Variants in QTMAN observed in about 807,000 individuals in gnomAD.
The protein encoded by QTMAN is queuosine-tRNA mannosyltransferase.
the QTMAN span, among the ~76,000 whole-genome samples, chr2:144,274,555 T>C: frequency 6.6e-6 from 1 of 152,174 alleles, no homozygotes; most frequent in African/African-American, 2.4e-5. Flanking sequence ...TGACATATAA[T>C]GAACCTCCAT....
At chr2:144,105,433 T>C in the QTMAN span, among the ~76,000 whole-genome samples, 2 of 152,174 alleles carry the variant, frequency 1.3e-5, no homozygotes, top group East Asian at 3.9e-4. Context: ...CTAAAAACCA[T>C]GGCACGAGAA....
the QTMAN span, among the ~76,000 whole-genome samples, chr2:144,307,159 TAAA>T: frequency 2.5e-5 from 1 of 40,466 alleles, no homozygotes; most frequent in Non-Finnish European, 4.0e-5. Context: ...GACTCCGTCT[TAAA>T]AAAAAAAAAA....
chr2:144,250,174 C>T, the QTMAN span, among the ~76,000 whole-genome samples: 210 of 144,160 alleles, frequency 1.5e-3, 3 homozygotes, highest in Middle Eastern at 7.8e-3. Flanking sequence ...CTCGCTCTGT[C>T]GCCCAGGCTG....
the QTMAN span, among the ~76,000 whole-genome samples, chr2:144,017,900 C>T: frequency 6.6e-6 from 1 of 152,074 alleles, no homozygotes. Flanking sequence ...CTTATTAGTT[C>T]TTATACTTTA....
the QTMAN span, among the ~76,000 whole-genome samples, chr2:144,035,658 G>A: frequency 6.6e-6 from 1 of 152,080 alleles, no homozygotes; most frequent in African/African-American, 2.4e-5. Flanking sequence ...GAAACTTTGA[G>A]GCACACATCT....
chr2:143,972,067 T>C, the QTMAN span, among the ~76,000 whole-genome samples: 1 of 152,180 alleles, frequency 6.6e-6, no homozygotes, highest in Non-Finnish European at 1.5e-5. Flanking sequence ...AAGAATGCAA[T>C]GGTGAAATGT....
chr2:144,052,902 G>A, the QTMAN span, among the ~76,000 whole-genome samples: 1 of 152,234 alleles, frequency 6.6e-6, no homozygotes, highest in Admixed American at 6.5e-5. Context: ...ATCCACCTTG[G>A]CCTCCCAAAG....
chr2:144,129,006 C>T, the QTMAN span, among the ~76,000 whole-genome samples: 4 of 151,906 alleles, frequency 2.6e-5, no homozygotes, highest in Admixed American at 2.0e-4. Context: ...TACTGTCCCA[C>T]TGTCTCTTTT....
chr2:143,983,023 C>T, the QTMAN span, among the ~76,000 whole-genome samples: 1 of 152,028 alleles, frequency 6.6e-6, no homozygotes, highest in Non-Finnish European at 1.5e-5. Context: ...AATAAATTCA[C>T]ATATGACAAT....
chr2:143,995,331 G>T, the QTMAN span, among the ~76,000 whole-genome samples: 1 of 151,938 alleles, frequency 6.6e-6, no homozygotes, highest in African/African-American at 2.4e-5. Flanking sequence ...TTTTTTCTAG[G>T]AGAGTTAAGA....
the QTMAN span, among the ~76,000 whole-genome samples, chr2:144,297,073 T>C: frequency 6.6e-6 from 1 of 152,206 alleles, no homozygotes; most frequent in Admixed American, 6.5e-5. Flanking sequence ...TTACGTGATT[T>C]ACTAACATTC....
chr2:143,973,694 CA>C, the QTMAN span, among the ~76,000 whole-genome samples: 10 of 150,884 alleles, frequency 6.6e-5, no homozygotes, highest in Non-Finnish European at 1.3e-4. Flanking sequence ...GAGGCTGAGG[CA>C]GGAGAATGGC....
the QTMAN span, among the ~76,000 whole-genome samples, chr2:144,323,722 C>T: frequency 3.9e-5 from 6 of 152,274 alleles, no homozygotes; most frequent in African/African-American, 1.4e-4. Flanking sequence ...AATAAATATA[C>T]TAAATATGTG....
the QTMAN span, among the ~76,000 whole-genome samples, chr2:144,242,618 G>A: frequency 6.6e-6 from 1 of 152,170 alleles, no homozygotes; most frequent in East Asian, 1.9e-4. Flanking sequence ...TGACTGTTGT[G>A]AAATTCCCGA....
At chr2:143,988,252 C>CT in the QTMAN span, among the ~76,000 whole-genome samples, 3 of 152,172 alleles carry the variant, frequency 2.0e-5, no homozygotes, top group African/African-American at 7.2e-5. Flanking sequence ...ATAGGTGGTG[C>CT]TGCGTCATGC....
the QTMAN span, among the ~76,000 whole-genome samples, chr2:144,081,160 T>C: frequency 2.0e-5 from 3 of 152,270 alleles, no homozygotes; most frequent in South Asian, 6.2e-4. Flanking sequence ...GAGGGGAGTA[T>C]CTGTGAGTGC....
chr2:144,108,449 C>A, the QTMAN span, among the ~76,000 whole-genome samples: 1 of 152,076 alleles, frequency 6.6e-6, no homozygotes, highest in Admixed American at 6.5e-5. Flanking sequence ...ACCACCTTGG[C>A]TAACATGGTG....
chr2:144,099,103 C>T, the QTMAN span, among the ~76,000 whole-genome samples: 1 of 152,164 alleles, frequency 6.6e-6, no homozygotes, highest in East Asian at 1.9e-4. Flanking sequence ...CATGCATATA[C>T]ATGACATATG....
chr2:144,086,569 T>C, the QTMAN span, among the ~76,000 whole-genome samples: 3 of 152,210 alleles, frequency 2.0e-5, no homozygotes, highest in African/African-American at 7.2e-5. Flanking sequence ...TTCTTGGGTT[T>C]AAATTAAGAA....
Sources: allele counts gnomAD v4.1 joint callset (sites outside exome capture counted in the v4.1 genomes callset), GRCh38; gene constraint gnomAD v4.1.1; transcripts MANE v1.5; gene names NCBI Gene and HGNC (gene_info 2026-07-23, HGNC 2026-07-21).